Variants in PCDHGB1 observed in about 807,000 individuals in gnomAD.
PCDHGB1 encodes protocadherin gamma subfamily B, 1.
PCDHGB1 carries 34 observed loss-of-function variants against 56.6 expected under a neutral mutation model. That is an observed-to-expected ratio of 0.60 (90% CI 0.46 to 0.80). PCDHGB1 has a LOEUF of 0.80. PCDHGB1 is among the 30% of genes least tolerant of loss of function. The probability of loss-of-function intolerance (pLI) is 0.00; values close to 1 mark genes in which losing one functional copy is unlikely to be tolerated. For missense variants in PCDHGB1, 1,278 were observed against 1,204.6 expected, an observed-to-expected ratio of 1.06 and a Z score of -0.90; for synonymous variants, 561 against 505.9, an observed-to-expected ratio of 1.11 and a Z score of -1.46.
intron 2 of PCDHGB1, among the ~76,000 whole-genome samples, chr5:141,496,827 C>A (rs1595415247): frequency 6.6e-6 from 1 of 151,780 alleles, no homozygotes; most frequent in East Asian, 1.9e-4. Context: ...TAGATGTGAT[C>A]CCAGAACTCA....
Position 141,352,394 on chromosome 5 carries a change from C to G in PCDHGB1, c.2134C>G (p.Arg712Gly), listed in dbSNP as rs370902348. The G allele has an allele frequency of 4.3e-6, 7 of 1,614,050 alleles. No homozygotes were observed. Among genetic ancestry groups the G allele is most frequent in the Non-Finnish European group, 5.9e-6 (7 of 1,179,898 alleles). Residue 712 changes from arginine to glycine, a missense_variant, in exon 1 of 4, where the codon CGA becomes GGA. Physicochemically the swap from Arg to Gly is moderately radical, Grantham distance 125. Coordinates refer to ENST00000523390, the MANE Select transcript of PCDHGB1 (RefSeq NM_018922.3). ...AVILAIALRL[R>G]RSSSLDTEGC... The stretch of plus-strand genomic sequence containing the variant: ...GATTCTAGCGATCGCCCTGCGCCTG[C>G]GACGTTCCTCCAGCCTCGACACTGA...
intron 1 of PCDHGB1, chr5:141,357,043 G>A: frequency 6.8e-6 from 11 of 1,614,048 alleles, no homozygotes; most frequent in Non-Finnish European, 9.3e-6. Context: ...CAGCGAGCCG[G>A]GACTATTTGC....
At position 141,356,874 on chromosome 5, in the gene PCDHGB1, T is replaced by TGTCCCTGAGATCCTGTACCCCACC. The variant is rs1482274371; in HGVS notation, c.2409+4206_2409+4229dup. Reference sequence around the variant, plus strand: ...TCTTTGTGCTGGACCAGAACGACAATGTCCCTGAGATCCTGTACCCCACCT... The same window carrying TGTCCCTGAGATCCTGTACCCCACC: ...TCTTTGTGCTGGACCAGAACGACAATGTCCCTGAGATCCTGTACCCCACCGTCCCTGAGATCCTGTACCCCACCT... On this transcript the variant is annotated intron_variant, in intron 1 of 3. Coordinates refer to ENST00000523390, the MANE Select transcript of PCDHGB1 (RefSeq NM_018922.3). The TGTCCCTGAGATCCTGTACCCCACC allele has an allele frequency of 1.9e-6, 3 of 1,614,078 alleles. No individual in the cohort carries two copies. The African/African-American group carries it at 4.0e-5, about 22-fold the overall frequency.
In PCDHGB1 at chr5:141,351,869, G is replaced by A; in HGVS notation, c.1609G>A (p.Ala537Thr). The A allele has an allele frequency of 1.2e-6, 2 of 1,613,240 alleles. No individual in the cohort carries two copies. Among genetic ancestry groups the A allele is most frequent in the South Asian group, 2.2e-5 (2 of 91,056 alleles). ...GCAGGCCAGGGACCAGGGCTCCCCC[G>A]CGCTCAGCGCCAACGTGAGCCTGCG... ...TLQARDQGSPALSANVSLRVL... is the reference protein window; with the variant it reads ...TLQARDQGSPTLSANVSLRVL... Residue 537 changes from alanine to threonine, a missense_variant, in exon 1 of 4, where the codon GCG becomes ACG. By Grantham distance (58) the Ala-to-Thr change is moderately conservative (BLOSUM62 0). Transcript: ENST00000523390.
At chr5:141,421,257 C>T (rs944057868) in intron 1 of PCDHGB1, 1 of 1,608,520 alleles carries the variant, frequency 6.2e-7, no homozygotes, top group African/African-American at 1.3e-5. Context: ...GCGGGGACCG[C>T]AGTCGGCTGC....
In PCDHGB1 at chr5:141,505,496, T is replaced by C; in HGVS notation, c.2557+15T>C. 6.2e-7 allele frequency: 1 copy of C among 1,614,148 alleles called. No homozygotes were observed. The highest frequency in any genetic ancestry group is 8.5e-7 in the Non-Finnish European group (1 of 1,180,004). ...GTCCGCCAGTGGTAAGTGGTGTCAGTGTGTGTATGGAAGAGTGGGAGACCT... is the reference window on the plus strand; with the variant it reads ...GTCCGCCAGTGGTAAGTGGTGTCAGCGTGTGTATGGAAGAGTGGGAGACCT... On this transcript the variant is annotated intron_variant, in intron 3 of 3. Transcript: ENST00000523390.
At chr5:141,384,867 C>T (rs1780607130) in intron 1 of PCDHGB1, 1 of 1,613,660 alleles carries the variant, frequency 6.2e-7, no homozygotes, top group South Asian at 1.1e-5. Context: ...CTCTGTCAGC[C>T]ACCGTCACAC....
At chr5:141,447,947 A>G (rs2098555998) in intron 1 of PCDHGB1, among the ~76,000 whole-genome samples, 1 of 151,958 alleles carries the variant, frequency 6.6e-6, no homozygotes, top group South Asian at 2.1e-4. Flanking sequence ...TTAGCTGGGC[A>G]TGGTGGCGGA....
intron 1 of PCDHGB1, chr5:141,371,489 C>T (rs548103153): frequency 1.9e-6 from 3 of 1,613,918 alleles, no homozygotes; most frequent in Non-Finnish European, 2.5e-6. Context: ...TGGGGACTGC[C>T]GTTGCCCTGA....
intron 1 of PCDHGB1, among the ~76,000 whole-genome samples, chr5:141,359,008 G>A (rs1212259195): frequency 2.0e-5 from 3 of 152,230 alleles, no homozygotes; most frequent in Non-Finnish European, 4.4e-5. Flanking sequence ...ACACAAATTA[G>A]TGTAATTTGA....
chr5:141,432,227 T>C lies in PCDHGB1; in HGVS notation c.2410-62580T>C, dbSNP rs1046414550. On this transcript the variant is annotated intron_variant, in intron 1 of 3. Coordinates refer to ENST00000523390, the MANE Select transcript of PCDHGB1 (RefSeq NM_018922.3). This position sits in a 1 kb window ranked among gnomAD's most constrained non-coding sequence, Gnocchi z 6.0. ...TGAAGAGAACGCCCAGATCACTTATTCCCTGGCTGAGAACACCATCCAAGG... is the reference window on the plus strand; with the variant it reads ...TGAAGAGAACGCCCAGATCACTTATCCCCTGGCTGAGAACACCATCCAAGG... 1.4e-5 allele frequency: 22 copies of C among 1,614,080 alleles called. No individual in the cohort carries two copies. The highest frequency in any genetic ancestry group is 1.8e-5 in the Non-Finnish European group (21 of 1,180,042).
chr5:141,462,617 T>C (rs1413543706), intron 1 of PCDHGB1, among the ~76,000 whole-genome samples: 1 of 151,850 alleles, frequency 6.6e-6, no homozygotes, highest in East Asian at 1.9e-4. Context: ...TTTTCACTTT[T>C]AGAAGTTCCA....
At chr5:141,419,471 G>A in intron 1 of PCDHGB1, 1 of 1,612,462 alleles carries the variant, frequency 6.2e-7, no homozygotes, top group Non-Finnish European at 8.5e-7. Context: ...CCGCGACCAG[G>A]GCTCGCCCGC....
rs2099669219 is a variant in PCDHGB1, at chr5:141,487,927, C to T, written c.2410-6880C>T. 3 of 626,498 alleles carry T rather than the reference C, an allele frequency of 4.8e-6. No homozygotes were observed. Among genetic ancestry groups the T allele is most frequent in the Admixed American group, 5.9e-5 (2 of 34,100 alleles). The allele number at this position is 626,498 out of a possible 1,614,324, so 38.8% of individuals were successfully genotyped here. On this transcript the variant is annotated intron_variant, in intron 1 of 3. Coordinates refer to ENST00000523390, the MANE Select transcript of PCDHGB1 (RefSeq NM_018922.3). The surrounding 1 kb of genome is among the most constrained non-coding windows in gnomAD (Gnocchi z 5.0). ...TGGGAGCACAGGAGGCTACAGTGCA[C>T]AGGGTACAGTGCACCAGGCAGTCAC...
chr5:141,420,308 T>C (rs1486910909), intron 1 of PCDHGB1: 3 of 1,457,838 alleles, frequency 2.1e-6, no homozygotes, highest in Non-Finnish European at 9.2e-7. Context: ...ATCCTTTTTA[T>C]ATTACAATAT....
intron 1 of PCDHGB1, among the ~76,000 whole-genome samples, chr5:141,438,633 TATACACAC>T (rs1401551511): frequency 0.055 from 1,851 of 33,458 alleles, 10 homozygotes; most frequent in African/African-American, 0.082. Flanking sequence ...TATATATATA[TATACACAC>T]ACACACACAC....
intron 1 of PCDHGB1, chr5:141,471,535 T>C (rs553186728): frequency 6.6e-6 from 1 of 152,368 alleles, no homozygotes; most frequent in African/African-American, 2.4e-5. Context: ...GAAGCTATGA[T>C]AGCATTTAAG....
chr5:141,510,448 C>T (rs1339979584), intron 3 of PCDHGB1, among the ~76,000 whole-genome samples: 1 of 152,016 alleles, frequency 6.6e-6, no homozygotes, highest in Non-Finnish European at 1.5e-5. Context: ...TCCAGGAGCC[C>T]ATGGTCTAGT....
chr5:141,500,521 A>T lies in PCDHGB1; in HGVS notation c.2469-4872A>T, dbSNP rs185546944. 3.7e-3 allele frequency among the ~76,000 whole-genome samples: 560 copies of T among 152,176 alleles called. 5 individuals are homozygous for T. Among genetic ancestry groups the T allele is most frequent in the Admixed American group, 0.011 (162 of 15,280 alleles). On this transcript the variant is annotated intron_variant, in intron 2 of 3. Coordinates refer to ENST00000523390, the MANE Select transcript of PCDHGB1 (RefSeq NM_018922.3). Reference sequence around the variant, plus strand: ...ACCGCGCCTGGCCGAGCTTCATTTTAAAAAAATCTCATTCACCTAAATAAG... The same window carrying T: ...ACCGCGCCTGGCCGAGCTTCATTTTTAAAAAATCTCATTCACCTAAATAAG...
Sources: allele counts gnomAD v4.1 joint callset (sites outside exome capture counted in the v4.1 genomes callset), GRCh38; gene constraint gnomAD v4.1.1; non-coding constraint Gnocchi (gnomAD v3.1); transcripts MANE v1.5; gene names NCBI Gene and HGNC (gene_info 2026-07-23, HGNC 2026-07-21).